MLLT1: variants seen among roughly 807,000 people sequenced by gnomAD.
The protein encoded by MLLT1 is MLLT1 super elongation complex subunit.
MLLT1 carries 11 observed loss-of-function variants against 55.1 expected under a neutral mutation model. The ratio of observed to expected loss-of-function variants is 0.20; its 90% CI spans 0.13 to 0.33. The LOEUF (loss-of-function observed/expected upper bound fraction) is 0.33. Ranked by LOEUF, MLLT1 falls within the 10% of genes least tolerant of loss-of-function variation. MLLT1 has a pLI of 1.00. For missense variants in MLLT1, 536 were observed against 760.6 expected, an observed-to-expected ratio of 0.70 and a Z score of 3.47; for synonymous variants, 323 against 320.1, an observed-to-expected ratio of 1.01 and a Z score of -0.10.
intron 2 of MLLT1, among the ~76,000 whole-genome samples, chr19:6,265,445 C>G (rs1000561414): frequency 1.3e-5 from 2 of 152,028 alleles, no homozygotes; most frequent in Non-Finnish European, 2.9e-5. Context: ...CTGAGGAAGG[C>G]GAATCACCTG....
At chr19:6,249,615 G>T (rs1199675299) in intron 3 of MLLT1, among the ~76,000 whole-genome samples, 2 of 152,188 alleles carry the variant, frequency 1.3e-5, no homozygotes, top group South Asian at 2.1e-4. Context: ...AGGCCACCCG[G>T]ATCCCCCCTT....
chr19:6,213,309 C>A (rs1295508749), intron 11 of MLLT1, 28 bp downstream of exon 11: 2 of 1,611,594 alleles, frequency 1.2e-6, no homozygotes, highest in Admixed American at 1.7e-5. Flanking sequence ...CCGACCTCTG[C>A]CGGGCAGGAC....
Position 6,231,650 on chromosome 19 carries a change from C to T in MLLT1, c.277-937G>A, listed in dbSNP as rs991438158. ...CCAAGCAGCTGGGACTACAGGCGCC[C>T]GCCACCACGTCTGGCTAATTTTTTG... On this transcript the variant is annotated intron_variant, in intron 3 of 11. Transcript: ENST00000252674. The surrounding 1 kb of genome is among the most constrained non-coding windows in gnomAD (Gnocchi z 5.1). Among the ~76,000 whole-genome samples the T allele has an allele frequency of 5.9e-5, 9 of 151,962 alleles. No homozygotes were observed. The highest frequency in any genetic ancestry group is 1.2e-4 in the Non-Finnish European group (8 of 68,000).
chr19:6,226,914 G>C lies in MLLT1; in HGVS notation c.546+63C>G, dbSNP rs968365483. The C allele has an allele frequency of 1.8e-5, 26 of 1,439,934 alleles. No individual in the cohort carries two copies. In the South Asian group the frequency reaches 3.8e-4, roughly 21 times the overall value. The allele number at this position is 1,439,934 out of a possible 1,614,324, so 89.2% of individuals were successfully genotyped here. A position where few individuals can be genotyped will look rare whatever the true frequency, so the allele number is the denominator to read the frequency against. On this transcript the variant is annotated intron_variant, in intron 5 of 11. Transcript: ENST00000252674. This position sits in a 1 kb window ranked among gnomAD's most constrained non-coding sequence, Gnocchi z 6.3. Reference sequence around the variant, plus strand: ...CAGCCCAGTGGAGGGAGGGCGCCGGGGCCAGACCCACCACAGCTGGGCCCC... The same window carrying C: ...CAGCCCAGTGGAGGGAGGGCGCCGGCGCCAGACCCACCACAGCTGGGCCCC...
At chr19:6,272,528 C>T (rs930884001) in intron 1 of MLLT1, among the ~76,000 whole-genome samples, 21 of 152,226 alleles carry the variant, frequency 1.4e-4, no homozygotes, top group African/African-American at 4.8e-4. Flanking sequence ...GGAGACCAAC[C>T]TTGAGTCCCC....
chr19:6,275,096 T>C (rs956458917), intron 1 of MLLT1, among the ~76,000 whole-genome samples: 2 of 152,240 alleles, frequency 1.3e-5, no homozygotes, highest in Admixed American at 1.3e-4. Context: ...TCAGCCAATG[T>C]ACCCCACTTC....
chr19:6,272,308 A>T (rs957235425), intron 1 of MLLT1, among the ~76,000 whole-genome samples: 32 of 152,288 alleles, frequency 2.1e-4, no homozygotes, highest in African/African-American at 6.7e-4. Context: ...CTGGTATCTC[A>T]GAGTCCCAGA....
Position 6,230,811 on chromosome 19 carries a change from G to A in MLLT1, c.277-98C>T. On this transcript the variant is annotated intron_variant, in intron 3 of 11. Coordinates refer to ENST00000252674, the MANE Select transcript of MLLT1 (RefSeq NM_005934.4). The surrounding 1 kb of genome is among the most constrained non-coding windows in gnomAD (Gnocchi z 9.0). Reference sequence around the variant, plus strand: ...CTGGTCCTCCCCTCTCCCTCACTGGGCCTCTGTTCCCCTCCCTCCGATTTG... The same window carrying A: ...CTGGTCCTCCCCTCTCCCTCACTGGACCTCTGTTCCCCTCCCTCCGATTTG... 1.4e-6 allele frequency: 2 copies of A among 1,470,662 alleles called. No homozygotes were observed. Among genetic ancestry groups the A allele is most frequent in the South Asian group, 1.2e-5 (1 of 81,432 alleles). 91.1% of individuals were successfully genotyped at this position (1,470,662 alleles called of 1,614,324 possible).
At position 6,250,339 on chromosome 19, in the gene MLLT1, T is replaced by C. The variant is rs560391284; in HGVS notation, c.276+11889A>G. On this transcript the variant is annotated intron_variant, in intron 3 of 11. Coordinates refer to ENST00000252674, the MANE Select transcript of MLLT1 (RefSeq NM_005934.4). ...TAGTGGCAATATAAAATGGTTTGGC[T>C]GCTGTGAAAACAGTTTGGCACTCCC... Among the ~76,000 whole-genome samples, 3 of 152,338 alleles carry C rather than the reference T, an allele frequency of 2.0e-5. No individual in the cohort carries two copies. In the East Asian group the frequency reaches 5.8e-4, roughly 29 times the overall value.
Position 6,212,518 on chromosome 19 carries a change from C to T in MLLT1, c.*524G>A. The T allele has an allele frequency of 9.3e-7, 1 of 1,080,772 alleles. No homozygotes were observed. The highest frequency in any genetic ancestry group is 1.1e-6 in the Non-Finnish European group (1 of 890,114). The allele number at this position is 1,080,772 out of a possible 1,614,324, so 66.9% of individuals were successfully genotyped here. On this transcript the variant is annotated 3_prime_UTR_variant, in exon 12 of 12. Coordinates refer to ENST00000252674, the MANE Select transcript of MLLT1 (RefSeq NM_005934.4). ...ATAGAGAGAACTATACAGCACAGAC[C>T]CCAGCGCAGCGCGAGCCGGGGAGGA...
At chr19:6,267,670 C>T (rs1600217524) in intron 2 of MLLT1, among the ~76,000 whole-genome samples, 1 of 152,158 alleles carries the variant, frequency 6.6e-6, no homozygotes, top group African/African-American at 2.4e-5. Flanking sequence ...GAAGTCCTGC[C>T]GTCCCAACCA....
intron 3 of MLLT1, among the ~76,000 whole-genome samples, chr19:6,239,988 C>G (rs923722360): frequency 6.6e-6 from 1 of 152,034 alleles, no homozygotes; most frequent in Non-Finnish European, 1.5e-5. Context: ...AAACCTCTGA[C>G]CAGGAGTCAG....
intron 1 of MLLT1, among the ~76,000 whole-genome samples, chr19:6,277,033 G>A (rs915423575): frequency 6.6e-6 from 1 of 152,196 alleles, no homozygotes; most frequent in African/African-American, 2.4e-5. Flanking sequence ...ACTATAATGA[G>A]GCACTAACAT....
chr19:6,246,417 C>T lies in MLLT1; in HGVS notation c.277-15704G>A, dbSNP rs112498140. Among the ~76,000 whole-genome samples the T allele has an allele frequency of 2.7e-3, 406 of 152,280 alleles. 1 individual carries two copies. The highest frequency in any genetic ancestry group is 9.3e-3 in the African/African-American group (385 of 41,554). On this transcript the variant is annotated intron_variant, in intron 3 of 11. Coordinates refer to ENST00000252674, the MANE Select transcript of MLLT1 (RefSeq NM_005934.4). ...TCAACAGGTGAACGAATAAACAAAC[C>T]GTAAGGCACCCATGCAGCGGAACAC... is the stretch of plus-strand genomic sequence containing the variant.
intron 1 of MLLT1, among the ~76,000 whole-genome samples, chr19:6,279,533 G>A (rs1264223936): frequency 6.6e-6 from 1 of 151,974 alleles, no homozygotes; most frequent in African/African-American, 2.4e-5. Flanking sequence ...GGTCACCAGG[G>A]GCGTCCCAAG....
chr19:6,250,423 A>C (rs1263770001), intron 3 of MLLT1, among the ~76,000 whole-genome samples: 1 of 152,230 alleles, frequency 6.6e-6, no homozygotes, highest in African/African-American at 2.4e-5. Context: ...TAAGGTATAC[A>C]GTCATCCCTC....
rs62108672 is a variant in MLLT1, at chr19:6,218,589, G to A, written c.1111-548C>T. 3.8e-3 allele frequency among the ~76,000 whole-genome samples: 584 copies of A among 152,248 alleles called. 2 individuals carry two copies. The highest frequency in any genetic ancestry group is 0.01 in the South Asian group (50 of 4,830). ...GACACTGAAGAGCGTGCGTGCACAG[G>A]GGACAGAAGCCATGGGCAAGCCCGG... On this transcript the variant is annotated intron_variant, in intron 6 of 11. Coordinates refer to ENST00000252674, the MANE Select transcript of MLLT1 (RefSeq NM_005934.4).
chr19:6,233,184 G>A (rs972065755), intron 3 of MLLT1, among the ~76,000 whole-genome samples: 2 of 152,218 alleles, frequency 1.3e-5, no homozygotes, highest in Non-Finnish European at 1.5e-5. Context: ...CGGCTCACAC[G>A]GGTGGCACCA....
chr19:6,271,685 A>T (rs1003752441), intron 1 of MLLT1, among the ~76,000 whole-genome samples: 2 of 152,208 alleles, frequency 1.3e-5, no homozygotes, highest in African/African-American at 4.8e-5. Context: ...CTTTTCACAG[A>T]TACGGCCCTG....
Sources: allele counts gnomAD v4.1 joint callset (sites outside exome capture counted in the v4.1 genomes callset), GRCh38; gene constraint gnomAD v4.1.1; non-coding constraint Gnocchi (gnomAD v3.1); transcripts MANE v1.5; gene names NCBI Gene and HGNC (gene_info 2026-07-23, HGNC 2026-07-21).